Variants in LGMN observed in about 807,000 individuals in gnomAD.
The protein encoded by LGMN is legumain.
LGMN carries 36 observed loss-of-function variants against 56.8 expected under a neutral mutation model. The observed-to-expected ratio is 0.63, with a 90% CI of 0.49 to 0.84. LGMN has a LOEUF of 0.84. LGMN is among the 40% of genes least tolerant of loss of function. The pLI, the probability that LGMN is intolerant of heterozygous loss-of-function variation, is 0.00. For missense variants in LGMN, 446 were observed against 556.1 expected (o/e 0.80, Z 1.99); for synonymous variants, 199 against 210.1 (o/e 0.95, Z 0.46).
chr14:92,716,898 C>T (rs921436794), intron 4 of LGMN, among the ~76,000 whole-genome samples: 18 of 152,054 alleles, frequency 1.2e-4, no homozygotes, highest in African/African-American at 4.3e-4. Flanking sequence ...CAGTCTCAAT[C>T]AACTAGGAGG....
At position 92,723,335 on chromosome 14, in the gene LGMN, A is replaced by G. The variant is rs532288367; in HGVS notation, c.139-4491T>C. The stretch of plus-strand genomic sequence containing the variant: ...GCTGGGATTACAGGTGTGAGCCACC[A>G]CATCTGTCCTGCAATTCCAACTCTT... On this transcript the variant is annotated intron_variant, in intron 2 of 13. Transcript: ENST00000334869. 1.0e-3 allele frequency among the ~76,000 whole-genome samples: 154 copies of G among 152,222 alleles called. 1 individual carries two copies. Among genetic ancestry groups the G allele is most frequent in the South Asian group, 5.0e-3 (24 of 4,824 alleles).
Position 92,704,228 on chromosome 14 carries a change from G to T in LGMN, c.*91C>A. ...GGGGCTCCCCAGGAGGGCCCGAGCAGCGGAGACTTCTCACTCCACCTCTCC... is the reference window on the plus strand; with the variant it reads ...GGGGCTCCCCAGGAGGGCCCGAGCATCGGAGACTTCTCACTCCACCTCTCC... On this transcript the variant is annotated 3_prime_UTR_variant, in exon 14 of 14. Transcript: ENST00000334869. 1 of 1,550,518 alleles carries T rather than the reference G, an allele frequency of 6.4e-7. No homozygotes were observed. The highest frequency in any genetic ancestry group is 8.9e-7 in the Non-Finnish European group (1 of 1,122,208).
rs750201708 is a variant in LGMN at position 92,732,658 on chromosome 14, A to C, written c.129T>G (p.Tyr43Ter). The C allele has an allele frequency of 1.2e-6, 2 of 1,613,980 alleles. No individual in the cohort carries two copies. The highest frequency in any genetic ancestry group is 2.2e-5 in the South Asian group (2 of 91,030). The change falls in exon 2 of 14, where the codon TAT becomes TAG. Residue 43 changes from tyrosine (Y) to a stop codon, truncating the protein, a stop_gained. Coordinates refer to ENST00000334869, the MANE Select transcript of LGMN (RefSeq NM_005606.7). LOFTEE classifies it high-confidence loss of function. ...TTAGTCATTTTCTTACCTGGTGCCTATAATTATACCAGCCATTTGAACCTG... is the reference window on the plus strand; with the variant it reads ...TTAGTCATTTTCTTACCTGGTGCCTCTAATTATACCAGCCATTTGAACCTG... ...IVAGSNGWYNYRHQADACHAY... is the reference protein window; with the variant it reads ...IVAGSNGWYN
intron 1 of LGMN, among the ~76,000 whole-genome samples, chr14:92,743,824 C>T (rs368035265): frequency 9.4e-5 from 14 of 149,388 alleles, no homozygotes; most frequent in African/African-American, 2.2e-4. Context: ...AAAAAATTAT[C>T]GTTATCATCA....
intron 2 of LGMN, among the ~76,000 whole-genome samples, chr14:92,720,907 T>A (rs1055670880): frequency 3.9e-5 from 6 of 152,082 alleles, no homozygotes; most frequent in Non-Finnish European, 8.8e-5. Context: ...TTTTGTTTTT[T>A]TTTGAGACAG....
intron 1 of LGMN, among the ~76,000 whole-genome samples, chr14:92,734,411 G>A (rs759788173): frequency 1.3e-4 from 20 of 152,216 alleles, no homozygotes; most frequent in Non-Finnish European, 2.5e-4. Context: ...CATGAGGTCA[G>A]GAGTCCAAGA....
Position 92,709,655 on chromosome 14 carries a change from C to T in LGMN, c.1020+17G>A, listed in dbSNP as rs1182891228. The T allele has an allele frequency of 6.2e-7, 1 of 1,610,672 alleles. No homozygotes were observed. ...TGGGGACAGCACCTGGGCACAGCTC[C>T]TTTCACCACTACTCACATCCAGATG... On this transcript the variant is annotated intron_variant, in intron 11 of 13. Coordinates refer to ENST00000334869, the MANE Select transcript of LGMN (RefSeq NM_005606.7).
At chr14:92,705,022 T>A (rs1187047107) in intron 12 of LGMN, 1 of 294,128 alleles carries the variant, frequency 3.4e-6, no homozygotes. Context: ...CCCCGGGAAG[T>A]CTGCCTTTTG....
At chr14:92,733,020 G>A (rs979255898) in intron 1 of LGMN, among the ~76,000 whole-genome samples, 10 of 151,862 alleles carry the variant, frequency 6.6e-5, no homozygotes, top group Admixed American at 1.3e-4. Context: ...GTGGTAGCAC[G>A]TACCTATAAT....
chr14:92,723,295 T>C (rs1890575497), intron 2 of LGMN, among the ~76,000 whole-genome samples: 2 of 152,158 alleles, frequency 1.3e-5, no homozygotes, highest in South Asian at 4.1e-4. Flanking sequence ...TACACCTGCC[T>C]TGGCCTCCCA....
intron 11 of LGMN, 65 bp from the exon 12 acceptor site, chr14:92,706,718 C>T: frequency 8.5e-6 from 12 of 1,407,052 alleles, no homozygotes; most frequent in Middle Eastern, 2.0e-4. Flanking sequence ...GACCCAGGTG[C>T]GGTGAGAAGT....
At position 92,709,890 on chromosome 14, in the gene LGMN, A is replaced by G. The variant is rs1024938802; in HGVS notation, c.820-18T>C. 9 of 1,572,956 alleles carry G rather than the reference A, an allele frequency of 5.7e-6. No individual in the cohort carries two copies. In the African/African-American group the frequency reaches 1.1e-4, roughly 19 times the overall value. On this transcript the variant is annotated intron_variant, in intron 10 of 13. Transcript: ENST00000334869. Reference sequence around the variant, plus strand: ...GAGATTGTCTGGGGAGACAGACAGCAAGAGAGAGCGAGAGAGAAAGCGAGA... The same window carrying G: ...GAGATTGTCTGGGGAGACAGACAGCGAGAGAGAGCGAGAGAGAAAGCGAGA...
Position 92,713,700 on chromosome 14 carries a change from G to T in LGMN, c.543+123C>A, listed in dbSNP as rs184674423. On this transcript the variant is annotated intron_variant, in intron 7 of 13. Transcript: ENST00000334869. ...CATCCTGGGAAACCAGGGATTGGAA[G>T]GATCCCCTTTCTAGAAAACACAGCA... The T allele has an allele frequency of 1.2e-4, 89 of 738,918 alleles. 2 individuals are homozygous for T. Among genetic ancestry groups the T allele is most frequent in the South Asian group, 7.5e-4 (51 of 67,964 alleles). 45.8% of individuals were successfully genotyped at this position (738,918 alleles called of 1,614,324 possible).
At position 92,714,994 on chromosome 14, in the gene LGMN, ATT is replaced by A. The variant is rs780256263; in HGVS notation, c.405-545_405-544del. On this transcript the variant is annotated intron_variant, in intron 5 of 13. Transcript: ENST00000334869. This position sits in a 1 kb window ranked among gnomAD's most constrained non-coding sequence, Gnocchi z 5.1. ...CTCACAGATGTCCATCTCCATACTA[ATT>A]TTTTTTTTTTTTTTTTTTTTGAGAT... 1.3e-4 allele frequency among the ~76,000 whole-genome samples: 17 copies of A among 127,366 alleles called. No individual in the cohort carries two copies. Among genetic ancestry groups the A allele is most frequent in the Admixed American group, 2.3e-4 (3 of 12,902 alleles). 83.6% of individuals were successfully genotyped at this position (127,366 alleles called of 152,430 possible).
rs771834504 is a variant in LGMN, at chr14:92,711,699, G to A, written c.779C>T (p.Ser260Leu). ...CATGACGTGGCTGGTGTTGGTGTGC[G>A]ATTTTACCAGGTGGTACTGCTTGTG... is the stretch of plus-strand genomic sequence containing the variant. The part of the protein sequence containing the change: ...TLHKQYHLVK[S>L]HTNTSHVMQY... Residue 260 changes from serine (S) to leucine (L), a missense_variant, in exon 10 of 14, where the codon TCG (serine) becomes TTG (leucine). Coordinates refer to ENST00000334869, the MANE Select transcript of LGMN (RefSeq NM_005606.7). 1.6e-5 allele frequency: 26 copies of A among 1,614,102 alleles called. No individual in the cohort carries two copies. Among genetic ancestry groups the A allele is most frequent in the South Asian group, 1.1e-4 (10 of 91,078 alleles).
intron 1 of LGMN, among the ~76,000 whole-genome samples, chr14:92,735,803 G>GT (rs59840828): frequency 3.7e-4 from 55 of 148,436 alleles, no homozygotes; most frequent in Middle Eastern, 3.5e-3. Context: ...TTTTTTTCAG[G>GT]TTTTTTTTTT....
At position 92,712,819 on chromosome 14, in the gene LGMN, G is replaced by A. The variant is rs767320292; in HGVS notation, c.596C>T (p.Pro199Leu). 5.3e-5 allele frequency: 85 copies of A among 1,613,728 alleles called. 1 individual carries two copies. In the East Asian group the frequency reaches 8.0e-4, roughly 15 times the overall value. The stretch of plus-strand genomic sequence containing the variant: ...CAACCACCTACCATTGATGTTATCC[G>A]GCAGGTGGTTCATCATGGACCCAGA... ...CESGSMMNHL[P>L]DNINVYATTA... Residue 199 changes from proline (P) to leucine (L), a missense_variant, in exon 8 of 14, where the codon CCG (proline) becomes CTG (leucine). Pro to Leu is a moderately conservative substitution (Grantham distance 98). Transcript: ENST00000334869.
chr14:92,725,582 CTT>C (rs1232257502), intron 2 of LGMN, among the ~76,000 whole-genome samples: 1 of 147,926 alleles, frequency 6.8e-6, no homozygotes, highest in Non-Finnish European at 1.5e-5. Flanking sequence ...TTTTCTTTTT[CTT>C]TTTTTTTTGG....
intron 4 of LGMN, 97 bp downstream of exon 4, chr14:92,717,283 C>A (rs1270701505): frequency 1.3e-6 from 1 of 752,108 alleles, no homozygotes; most frequent in South Asian, 2.1e-5. Flanking sequence ...AGAAGCCAGT[C>A]TAGGGAGATT....
Sources: gnomAD v4.1 joint callset for allele counts (sites outside exome capture counted in the v4.1 genomes callset) on GRCh38, gnomAD v4.1.1 for gene constraint, Gnocchi (gnomAD v3.1) non-coding constraint, MANE v1.5 for transcripts, NCBI Gene and HGNC (gene_info 2026-07-23, HGNC 2026-07-21) for gene names.